Variants in CSMD1 observed in about 807,000 individuals in gnomAD.
The protein encoded by CSMD1 is CUB and Sushi multiple domains 1.
In CSMD1, 213 loss-of-function variants were observed where a neutral mutation model predicts 417.5. The ratio of observed to expected loss-of-function variants is 0.51; its 90% CI spans 0.46 to 0.57. The LOEUF (loss-of-function observed/expected upper bound fraction) is 0.57, where lower values mean the gene tolerates loss of function less well. CSMD1 is among the 20% of genes least tolerant of loss of function. The pLI, the probability that CSMD1 is intolerant of heterozygous loss-of-function variation, is 0.00. For synonymous variants in CSMD1, 2,862 were observed against 1,736.8 expected (o/e 1.65, Z -16.11); for missense variants, 6,923 against 4,529.7 (o/e 1.53, Z -15.17).
At chr8:3,483,119 T>C (rs34637193) in intron 11 of CSMD1, among the ~76,000 whole-genome samples, 9,663 of 152,038 alleles carry the variant, frequency 0.064, 391 homozygotes, top group African/African-American at 0.11. Context: ...AAGAGTGCGA[T>C]AGAGGTCTAA....
chr8:4,544,285 G>C (rs1363329559), intron 2 of CSMD1, among the ~76,000 whole-genome samples: 1 of 151,954 alleles, frequency 6.6e-6, no homozygotes, highest in African/African-American at 2.4e-5. Flanking sequence ...TTTAGTTACT[G>C]TTTGTAAGAG....
chr8:4,526,093 G>C (rs772058684), intron 2 of CSMD1, among the ~76,000 whole-genome samples: 67 of 152,242 alleles, frequency 4.4e-4, no homozygotes, highest in Middle Eastern at 3.4e-3. Context: ...TTTTTAAATA[G>C]AGATTTGGAA....
intron 1 of CSMD1, among the ~76,000 whole-genome samples, chr8:4,828,619 C>G (rs1226818434): frequency 6.6e-6 from 1 of 152,098 alleles, no homozygotes; most frequent in East Asian, 1.9e-4. Context: ...TCTGGAATCC[C>G]TTTCTTTAAA....
intron 8 of CSMD1, among the ~76,000 whole-genome samples, chr8:3,602,905 A>G (rs71521881): frequency 6.6e-6 from 1 of 152,198 alleles, no homozygotes; most frequent in Non-Finnish European, 1.5e-5. Flanking sequence ...GGCTCAAGTA[A>G]CAATCACCTA....
At chr8:3,154,505 T>G (rs1819397622) in intron 39 of CSMD1, among the ~76,000 whole-genome samples, 1 of 152,238 alleles carries the variant, frequency 6.6e-6, no homozygotes. Context: ...TATATTTTAC[T>G]GGATTTATAC....
chr8:4,896,429 C>T (rs766296626), intron 1 of CSMD1, among the ~76,000 whole-genome samples: 4 of 152,068 alleles, frequency 2.6e-5, no homozygotes, highest in Non-Finnish European at 5.9e-5. Flanking sequence ...TTTCTCAATT[C>T]TTTTGTTATG....
At chr8:4,043,911 G>C (rs543556940) in intron 3 of CSMD1, among the ~76,000 whole-genome samples, 3 of 152,104 alleles carry the variant, frequency 2.0e-5, no homozygotes, top group African/African-American at 7.2e-5. Flanking sequence ...ACCTGAATCT[G>C]TATAGACCTA....
intron 8 of CSMD1, among the ~76,000 whole-genome samples, chr8:3,605,210 T>G (rs1461462529): frequency 1.3e-5 from 2 of 152,204 alleles, no homozygotes; most frequent in African/African-American, 4.8e-5. Flanking sequence ...TAGGCTGGTC[T>G]CGAGCTCCTG....
chr8:3,429,019 G>C (rs531157552), intron 12 of CSMD1, among the ~76,000 whole-genome samples: 1 of 152,126 alleles, frequency 6.6e-6, no homozygotes, highest in Admixed American at 6.6e-5. Context: ...TGGAATGGTG[G>C]TTACCAGAGA....
At chr8:4,192,022 T>G (rs1374702210) in intron 3 of CSMD1, among the ~76,000 whole-genome samples, 1 of 152,186 alleles carries the variant, frequency 6.6e-6, no homozygotes, top group Non-Finnish European at 1.5e-5. Flanking sequence ...TTCCCGCTGT[T>G]GCCAATTCTC....
At chr8:3,180,516 G>C (rs1490305960) in intron 37 of CSMD1, among the ~76,000 whole-genome samples, 2 of 152,112 alleles carry the variant, frequency 1.3e-5, no homozygotes, top group Non-Finnish European at 2.9e-5. Flanking sequence ...ATTACAAGTG[G>C]TTCATTTTTG....
intron 8 of CSMD1, among the ~76,000 whole-genome samples, chr8:3,598,744 T>C (rs540078213): frequency 1.5e-3 from 225 of 152,042 alleles, no homozygotes; most frequent in African/African-American, 5.2e-3. Context: ...ATTTGTAATT[T>C]CCCCCCGCCC....
At position 3,107,701 on chromosome 8, in the gene CSMD1, A is replaced by T; in HGVS notation, c.6835+17T>A. The T allele has an allele frequency of 2.8e-6, 4 of 1,439,972 alleles. No homozygotes were observed. The highest frequency in any genetic ancestry group is 3.9e-6 in the Non-Finnish European group (4 of 1,031,812). 89.2% of individuals were successfully genotyped at this position (1,439,972 alleles called of 1,614,324 possible). A position where few individuals can be genotyped will look rare whatever the true frequency, so the allele number is the denominator to read the frequency against. Reference sequence around the variant, plus strand: ...TGTCGTGCTGAATTCATGGTATTGTAATGAAGAAAGTATTACCTATTTCGA... The same window carrying T: ...TGTCGTGCTGAATTCATGGTATTGTTATGAAGAAAGTATTACCTATTTCGA... On this transcript the variant is annotated intron_variant, in intron 45 of 69. Coordinates refer to ENST00000635120, the MANE Select transcript of CSMD1 (RefSeq NM_033225.6).
intron 5 of CSMD1, among the ~76,000 whole-genome samples, chr8:3,901,553 G>A (rs1428081600): frequency 6.6e-6 from 1 of 152,210 alleles, no homozygotes; most frequent in Non-Finnish European, 1.5e-5. Context: ...GATCACGTTT[G>A]CTCATAAAGT....
At chr8:4,040,095 T>C (rs1797810202) in intron 3 of CSMD1, among the ~76,000 whole-genome samples, 1 of 152,198 alleles carries the variant, frequency 6.6e-6, no homozygotes, top group South Asian at 2.1e-4. Context: ...TATACAGAGA[T>C]TTTAACATAT....
chr8:3,023,470 T>A (rs1420670327), intron 51 of CSMD1, among the ~76,000 whole-genome samples: 1 of 152,126 alleles, frequency 6.6e-6, no homozygotes, highest in Non-Finnish European at 1.5e-5. Flanking sequence ...GCTAGGAAGG[T>A]GTGTAGCCGC....
rs570464259 is a variant in CSMD1, at chr8:4,373,426, T to C, written c.415+46527A>G. On this transcript the variant is annotated intron_variant, in intron 3 of 69. Coordinates refer to ENST00000635120, the MANE Select transcript of CSMD1 (RefSeq NM_033225.6). ...AATGTTAACAACAGAGGAGACAGAGTGTGGAGTATTTGAAAACACTGCAAT... is the reference window on the plus strand; with the variant it reads ...AATGTTAACAACAGAGGAGACAGAGCGTGGAGTATTTGAAAACACTGCAAT... 1.1e-4 allele frequency among the ~76,000 whole-genome samples: 17 copies of C among 152,220 alleles called. No individual in the cohort carries two copies. The South Asian group carries it at 3.5e-3, about 32-fold the overall frequency.
At chr8:4,370,079 G>C (rs1481078230) in intron 3 of CSMD1, among the ~76,000 whole-genome samples, 5 of 151,858 alleles carry the variant, frequency 3.3e-5, no homozygotes, top group Non-Finnish European at 7.4e-5. Context: ...TTCGGTGGTA[G>C]TCATTCTTTC....
intron 5 of CSMD1, among the ~76,000 whole-genome samples, chr8:3,839,781 G>C (rs1017839891): frequency 1.3e-5 from 2 of 151,214 alleles, no homozygotes; most frequent in African/African-American, 4.9e-5. Flanking sequence ...GTTTATATTT[G>C]TTCCCAGAGA....
Sources: gnomAD v4.1 joint callset for allele counts (sites outside exome capture counted in the v4.1 genomes callset) on GRCh38, gnomAD v4.1.1 for gene constraint, MANE v1.5 for transcripts, NCBI Gene and HGNC (gene_info 2026-07-23, HGNC 2026-07-21) for gene names.